Variants in SLC25A13 observed in about 807,000 individuals in gnomAD.
SLC25A13 encodes electrogenic aspartate/glutamate antiporter SLC25A13, mitochondrial.
SLC25A13 carries 70 observed loss-of-function variants against 85.5 expected under a neutral mutation model. The ratio of observed to expected loss-of-function variants is 0.82; its 90% CI spans 0.68 to 1.00. The LOEUF (loss-of-function observed/expected upper bound fraction) is 1.00, where lower values mean the gene tolerates loss of function less well. SLC25A13 is among the 50% of genes least tolerant of loss of function. The probability of loss-of-function intolerance (pLI) is 0.00; values close to 1 mark genes in which losing one functional copy is unlikely to be tolerated. For missense variants in SLC25A13, 765 were observed against 819.8 expected, an observed-to-expected ratio of 0.93 and a Z score of 0.82; for synonymous variants, 259 against 288.7, an observed-to-expected ratio of 0.90 and a Z score of 1.04.
intron 3 of SLC25A13, among the ~76,000 whole-genome samples, chr7:96,239,674 A>G (rs1401030590): frequency 6.6e-6 from 1 of 152,318 alleles, no homozygotes; most frequent in South Asian, 2.1e-4. Context: ...CTAACATGAA[A>G]GCAAATGTAC....
At chr7:96,272,361 AAGG>A (rs1798275623) in intron 3 of SLC25A13, among the ~76,000 whole-genome samples, 1 of 152,018 alleles carries the variant, frequency 6.6e-6, no homozygotes, top group East Asian at 1.9e-4. Flanking sequence ...TTAAATTTAA[AAGG>A]AGATGTTATT....
intron 11 of SLC25A13, among the ~76,000 whole-genome samples, chr7:96,177,665 G>A (rs1794275041): frequency 6.6e-6 from 1 of 152,208 alleles, no homozygotes; most frequent in African/African-American, 2.4e-5. Flanking sequence ...ACCAAGTACA[G>A]ACAGTAAAGA....
At chr7:96,214,452 G>A (rs939459604) in intron 4 of SLC25A13, among the ~76,000 whole-genome samples, 22 of 152,196 alleles carry the variant, frequency 1.4e-4, no homozygotes, top group African/African-American at 4.1e-4. Context: ...ACTCGGTCAG[G>A]CGCAGTGGCC....
intron 1 of SLC25A13, among the ~76,000 whole-genome samples, chr7:96,304,676 T>A (rs1799672958): frequency 6.6e-6 from 1 of 152,148 alleles, no homozygotes; most frequent in African/African-American, 2.4e-5. Flanking sequence ...GAAATCCTCT[T>A]GGGGGCCAAA....
chr7:96,319,841 C>A (rs931326924), intron 1 of SLC25A13, among the ~76,000 whole-genome samples: 1 of 152,072 alleles, frequency 6.6e-6, no homozygotes, highest in African/African-American at 2.4e-5. Context: ...AAGACATAAA[C>A]AAAAACACAA....
intron 3 of SLC25A13, among the ~76,000 whole-genome samples, chr7:96,268,149 T>A (rs1431031922): frequency 6.6e-6 from 1 of 152,200 alleles, no homozygotes. Context: ...TAGTCCCATG[T>A]GGTCTTCCCA....
chr7:96,276,205 A>G (rs1027738034), intron 3 of SLC25A13, among the ~76,000 whole-genome samples: 1 of 152,226 alleles, frequency 6.6e-6, no homozygotes, highest in Non-Finnish European at 1.5e-5. Flanking sequence ...GTTCTTGTAC[A>G]TTATACTTTG....
intron 14 of SLC25A13, among the ~76,000 whole-genome samples, chr7:96,142,645 T>A (rs1319268974): frequency 6.6e-6 from 1 of 152,186 alleles, no homozygotes; most frequent in Non-Finnish European, 1.5e-5. Flanking sequence ...TATATTAATA[T>A]AAAATCTTCA....
intron 4 of SLC25A13, among the ~76,000 whole-genome samples, chr7:96,219,211 T>C (rs1375147415): frequency 6.6e-6 from 1 of 152,212 alleles, no homozygotes; most frequent in Non-Finnish European, 1.5e-5. Context: ...AGAGCATAAG[T>C]ACTTCACATT....
rs140050950 is a variant in SLC25A13, at chr7:96,165,927, C to T, written c.1311+4118G>A. Among the ~76,000 whole-genome samples, 1,474 of 152,302 alleles carry T rather than the reference C, an allele frequency of 9.7e-3. 17 individuals are homozygous for T. The highest frequency in any genetic ancestry group is 0.033 in the African/African-American group (1,374 of 41,568). On this transcript the variant is annotated intron_variant, in intron 13 of 17. Coordinates refer to ENST00000265631, the MANE Select transcript of SLC25A13 (RefSeq NM_014251.3). ...GTAATGTATGAGATGAGTAATAAAA[C>T]CTTGCCTTAAAAACAGTATTTGATA...
chr7:96,302,663 T>G (rs13234223), intron 1 of SLC25A13, among the ~76,000 whole-genome samples: 100,605 of 152,034 alleles, frequency 0.66, 33,575 homozygotes, highest in Non-Finnish European at 0.68. Context: ...CAAAGTAGAT[T>G]CTCTGGAAGT....
intron 5 of SLC25A13, among the ~76,000 whole-genome samples, chr7:96,203,254 A>G (rs1426749216): frequency 6.6e-6 from 1 of 152,166 alleles, no homozygotes; most frequent in African/African-American, 2.4e-5. Context: ...GAGCATCGCA[A>G]TTTAGGATGC....
chr7:96,137,531 T>C (rs2269781), intron 14 of SLC25A13, among the ~76,000 whole-genome samples: 74,153 of 152,064 alleles, frequency 0.49, 19,162 homozygotes, highest in African/African-American at 0.68. Context: ...GGACTGAAAA[T>C]CCTAGACATG....
At chr7:96,122,459 C>T (rs1791552000) in intron 15 of SLC25A13, among the ~76,000 whole-genome samples, 1 of 152,090 alleles carries the variant, frequency 6.6e-6, no homozygotes, top group East Asian at 1.9e-4. Context: ...ACAGGAGGTG[C>T]TTTCTCTCAC....
intron 11 of SLC25A13, 103 bp from the exon 12 acceptor site, chr7:96,171,627 C>G: frequency 1.0e-6 from 1 of 974,970 alleles, no homozygotes. Flanking sequence ...TGCTTAATCT[C>G]TGCTGCAATT....
chr7:96,317,254 A>ACCGTACCCAG (rs1800165227), intron 1 of SLC25A13, among the ~76,000 whole-genome samples: 1 of 152,090 alleles, frequency 6.6e-6, no homozygotes, highest in East Asian at 1.9e-4. Flanking sequence ...GGTGTGAGCC[A>ACCGTACCCAG]CCGTACCCAG....
intron 15 of SLC25A13, among the ~76,000 whole-genome samples, chr7:96,124,105 C>T (rs1791628840): frequency 6.6e-6 from 1 of 152,136 alleles, no homozygotes; most frequent in African/African-American, 2.4e-5. Context: ...GGGCATGTCT[C>T]AACCAATTAA....
At chr7:96,215,840 A>T (rs1333089451) in intron 4 of SLC25A13, among the ~76,000 whole-genome samples, 2 of 152,106 alleles carry the variant, frequency 1.3e-5, no homozygotes, top group African/African-American at 4.8e-5. Context: ...AAAACTTTAT[A>T]CTCCAAGGAT....
chr7:96,209,007 A>C, intron 4 of SLC25A13, 30 bp from the exon 5 acceptor site: 1 of 1,611,784 alleles, frequency 6.2e-7, no homozygotes, highest in Non-Finnish European at 8.5e-7. Flanking sequence ...GTTGATTAAA[A>C]CAAAGTAAAT....
Sources: allele counts gnomAD v4.1 joint callset (sites outside exome capture counted in the v4.1 genomes callset), GRCh38; gene constraint gnomAD v4.1.1; transcripts MANE v1.5; gene names NCBI Gene and HGNC (gene_info 2026-07-23, HGNC 2026-07-21).